Variants in HHIP observed in about 807,000 individuals in gnomAD.
The protein encoded by HHIP is hedgehog-interacting protein.
Under a neutral mutation model 74.0 loss-of-function variants are expected in HHIP, and 12 were observed. The observed-to-expected ratio is 0.16, with a 90% CI of 0.10 to 0.26. The LOEUF is 0.26. Among genes scored for constraint, HHIP ranks in the 10% least tolerant of loss-of-function variants. The probability of loss-of-function intolerance (pLI) is 1.00; values close to 1 mark genes in which losing one functional copy is unlikely to be tolerated. For synonymous variants in HHIP, 309 were observed against 311.6 expected (o/e 0.99, Z 0.09); for missense variants, 788 against 845.0 (o/e 0.93, Z 0.84).
intron 4 of HHIP, among the ~76,000 whole-genome samples, chr4:144,699,064 GTTCAA>G (rs1364092336): frequency 6.6e-6 from 1 of 152,094 alleles, no homozygotes; most frequent in African/African-American, 2.4e-5. Flanking sequence ...ATTTGATTTA[GTTCAA>G]TTCAATTCTG....
intron 7 of HHIP, among the ~76,000 whole-genome samples, chr4:144,710,787 G>T (rs1730275236): frequency 6.6e-6 from 1 of 152,138 alleles, no homozygotes; most frequent in African/African-American, 2.4e-5. Flanking sequence ...CCTACAGTTG[G>T]CAGCACAGCC....
intron 4 of HHIP, among the ~76,000 whole-genome samples, chr4:144,689,665 C>T (rs1729589812): frequency 6.6e-6 from 1 of 152,152 alleles, no homozygotes; most frequent in Non-Finnish European, 1.5e-5. Context: ...TTGTTACTAT[C>T]AGAGGAAGGT....
At chr4:144,719,373 GTTAC>G (rs1487667900) in intron 11 of HHIP, among the ~76,000 whole-genome samples, 1 of 152,176 alleles carries the variant, frequency 6.6e-6, no homozygotes, top group Admixed American at 6.6e-5. Flanking sequence ...AAACAGGTAA[GTTAC>G]TTTGGCAGTT....
intron 8 of HHIP, among the ~76,000 whole-genome samples, chr4:144,713,205 A>G (rs1238675124): frequency 6.6e-6 from 1 of 152,164 alleles, no homozygotes; most frequent in Non-Finnish European, 1.5e-5. Flanking sequence ...GCCACATTGT[A>G]CAAATGAGGA....
rs774662772 is a variant in HHIP at position 144,706,644 on chromosome 4, T to A, written c.945T>A (p.His315Gln). 6.2e-7 allele frequency: 1 copy of A among 1,613,896 alleles called. No homozygotes were observed. ...TNQERWAIGP[H>Q]DHILRVVEYT... ...AAGAACGGTGGGCTATCGGGCCTCATGACCACATTCTTAGGGTTGTGGAAT... is the reference window on the plus strand; with the variant it reads ...AAGAACGGTGGGCTATCGGGCCTCAAGACCACATTCTTAGGGTTGTGGAAT... Residue 315 changes from histidine to glutamine, a missense_variant, in exon 5 of 13, where the codon CAT becomes CAA. This residue lies in a region of HHIP where 72 missense variants were observed against 130.6 expected (regional missense o/e 0.55). Transcript: ENST00000296575.
chr4:144,734,572 A>T (rs1731052868), intron 11 of HHIP, among the ~76,000 whole-genome samples, 169 bp from the exon 12 acceptor site: 1 of 151,588 alleles, frequency 6.6e-6, no homozygotes, highest in East Asian at 1.9e-4. Flanking sequence ...CCTCACTGGT[A>T]TGTATTTCCT....
rs376341195 is a variant in HHIP at position 144,684,597 on chromosome 4, A to G, written c.832-21934A>G. ...CCCGGCCAAAAGAAAATCTTTGAAGACACTAGAATAACATTTGTACAAGGA... is the reference window on the plus strand; with the variant it reads ...CCCGGCCAAAAGAAAATCTTTGAAGGCACTAGAATAACATTTGTACAAGGA... On this transcript the variant is annotated intron_variant, in intron 4 of 12. Coordinates refer to ENST00000296575, the MANE Select transcript of HHIP (RefSeq NM_022475.3). Among the ~76,000 whole-genome samples, 14 of 152,134 alleles carry G rather than the reference A, an allele frequency of 9.2e-5. 1 individual carries two copies. In the East Asian group the frequency reaches 1.7e-3, roughly 19 times the overall value.
chr4:144,696,584 A>T (rs897991532), intron 4 of HHIP, among the ~76,000 whole-genome samples: 1 of 151,884 alleles, frequency 6.6e-6, no homozygotes, highest in Non-Finnish European at 1.5e-5. Flanking sequence ...TCATTTAGGA[A>T]GTACTTGGTA....
chr4:144,646,387 A>G lies in HHIP; in HGVS notation c.-289A>G. On this transcript the variant is annotated 5_prime_UTR_variant, in exon 1 of 13. Transcript: ENST00000296575. ...TCTCCTCCTCCCACTTCCCAGCCGC[A>G]GCAGAAAGCCCCCAACCCAACTGAC... The G allele has an allele frequency of 3.0e-6, 1 of 332,690 alleles. No individual in the cohort carries two copies. The allele number at this position is 332,690 out of a possible 1,614,324, so 20.6% of individuals were successfully genotyped here. A position where few individuals can be genotyped will look rare whatever the true frequency, so the allele number is the denominator to read the frequency against.
intron 4 of HHIP, among the ~76,000 whole-genome samples, chr4:144,668,985 TATATA>T (rs1234885533): frequency 1.3e-5 from 2 of 151,344 alleles, no homozygotes; most frequent in East Asian, 3.9e-4. Flanking sequence ...TCTTTGCACT[TATATA>T]ATAAGTATAC....
intron 11 of HHIP, among the ~76,000 whole-genome samples, chr4:144,727,524 T>C (rs575077558): frequency 7.2e-5 from 11 of 152,320 alleles, no homozygotes; most frequent in African/African-American, 2.6e-4. Context: ...TATTCACTGC[T>C]CATATTATAG....
rs534692560 is a variant in HHIP at position 144,676,945 on chromosome 4, T to C, written c.831+17107T>C. ...TCTTAAAGGATATGGGCATTGCCTTTCATGCAAGAAACATGATTAAGAGAT... is the reference window on the plus strand; with the variant it reads ...TCTTAAAGGATATGGGCATTGCCTTCCATGCAAGAAACATGATTAAGAGAT... On this transcript the variant is annotated intron_variant, in intron 4 of 12. Transcript: ENST00000296575. 7.4e-4 allele frequency among the ~76,000 whole-genome samples: 113 copies of C among 152,342 alleles called. 1 individual carries two copies. The South Asian group carries it at 0.022, about 30-fold the overall frequency.
chr4:144,692,571 C>T (rs1233277377), intron 4 of HHIP, among the ~76,000 whole-genome samples: 1 of 152,108 alleles, frequency 6.6e-6, no homozygotes, highest in Non-Finnish European at 1.5e-5. Flanking sequence ...TTGCTAACGC[C>T]CTAGTCTGAA....
intron 2 of HHIP, 71 bp from the exon 3 acceptor site, chr4:144,658,719 A>G (rs1309181106): frequency 3.0e-5 from 39 of 1,301,842 alleles, no homozygotes; most frequent in South Asian, 4.3e-5. Flanking sequence ...TCCTCATCTT[A>G]TATCTTTCAA....
At chr4:144,714,189 A>G (rs1730380524) in intron 8 of HHIP, 36 bp from the exon 9 acceptor site, 1 of 1,583,532 alleles carries the variant, frequency 6.3e-7, no homozygotes, top group Non-Finnish European at 8.7e-7. Flanking sequence ...TTATGAAAAT[A>G]TGTTTCATTT....
At chr4:144,690,376 G>A (rs1729614776) in intron 4 of HHIP, among the ~76,000 whole-genome samples, 1 of 152,280 alleles carries the variant, frequency 6.6e-6, no homozygotes, top group African/African-American at 2.4e-5. Flanking sequence ...TGGTGTCCTA[G>A]CAATACCTGG....
Sources: gnomAD v4.1 joint callset for allele counts (sites outside exome capture counted in the v4.1 genomes callset) on GRCh38, gnomAD v4.1.1 for gene constraint, gnomAD v4.1.1 regional missense constraint, MANE v1.5 for transcripts, NCBI Gene and HGNC (gene_info 2026-07-23, HGNC 2026-07-21) for gene names.